GRAMD2B: variants seen among roughly 807,000 people sequenced by gnomAD.
GRAMD2B encodes GRAM domain-containing protein 2B.
A neutral mutation model predicts 59.2 loss-of-function variants in GRAMD2B; 41 were observed. That is an observed-to-expected ratio of 0.69 (90% CI 0.54 to 0.90). The LOEUF (loss-of-function observed/expected upper bound fraction) is 0.90. Ranked by LOEUF, GRAMD2B falls within the 40% of genes least tolerant of loss-of-function variation. The probability of loss-of-function intolerance (pLI) is 0.00; values close to 1 mark genes in which losing one functional copy is unlikely to be tolerated. For missense variants in GRAMD2B, 424 were observed against 500.5 expected (o/e 0.85, Z 1.46); for synonymous variants, 161 against 182.7 (o/e 0.88, Z 0.96).
At chr5:126,434,995 C>G (rs1345068594) in intron 1 of GRAMD2B, among the ~76,000 whole-genome samples, 1 of 152,168 alleles carries the variant, frequency 6.6e-6, no homozygotes, top group Non-Finnish European at 1.5e-5. Flanking sequence ...TGTTACACAA[C>G]CATTTTATCT....
upstream of GRAMD2B, among the ~76,000 whole-genome samples, chr5:126,418,567 G>T (rs1476933085): frequency 6.6e-6 from 1 of 152,122 alleles, no homozygotes; most frequent in African/African-American, 2.4e-5. Flanking sequence ...CTTGGCTTTG[G>T]AAATATTGGC....
At chr5:126,406,497 A>G (rs1247542053) in intron 1 of GRAMD2B, among the ~76,000 whole-genome samples, 1 of 151,920 alleles carries the variant, frequency 6.6e-6, no homozygotes, top group African/African-American at 2.4e-5. Context: ...AATATTTCCA[A>G]TGCCCCTAAA....
rs113860013 is a variant in GRAMD2B, at chr5:126,489,529, T to C, written c.1257+637T>C. 2.1e-3 allele frequency among the ~76,000 whole-genome samples: 313 copies of C among 152,338 alleles called. 3 individuals carry two copies. Among genetic ancestry groups the C allele is most frequent in the African/African-American group, 6.8e-3 (284 of 41,574 alleles). ...TGCAAAGTTGTGCTTAGAAGCTCTC[T>C]GCTTTACTGTTCCTCAGAATTCAGC... On this transcript the variant is annotated intron_variant, in intron 13 of 13. Coordinates refer to ENST00000285689, the MANE Select transcript of GRAMD2B (RefSeq NM_023927.4).
rs1439341417 is a variant in GRAMD2B at position 126,423,651 on chromosome 5, A to C, written c.45A>C (p.Lys15Asn). ...ATGTGGAAGACACAAAGCCTGCGAAAGTGCTCGGGAAGAGGGAGAGCAAAC... is the reference window on the plus strand; with the variant it reads ...ATGTGGAAGACACAAAGCCTGCGAACGTGCTCGGGAAGAGGGAGAGCAAAC... ...QQDVEDTKPA[K>N]VLGKRESKLG... The change falls in exon 1 of 14, where the codon AAA becomes AAC. Residue 15 changes from lysine (K) to asparagine (N), a missense_variant. Lys to Asn is a moderately conservative substitution (Grantham distance 94). Coordinates refer to ENST00000285689, the MANE Select transcript of GRAMD2B (RefSeq NM_023927.4). 6.2e-7 allele frequency: 1 copy of C among 1,609,144 alleles called. No individual in the cohort carries two copies. Among genetic ancestry groups the C allele is most frequent in the Admixed American group, 1.7e-5 (1 of 59,408 alleles).
At chr5:126,400,651 T>C (rs1757749064) in intron 1 of GRAMD2B, among the ~76,000 whole-genome samples, 1 of 152,204 alleles carries the variant, frequency 6.6e-6, no homozygotes. Flanking sequence ...CTAATGGTGA[T>C]GAATTCCCAG....
At chr5:126,382,522 C>A (rs1181657747) in intron 1 of GRAMD2B, among the ~76,000 whole-genome samples, 1 of 152,076 alleles carries the variant, frequency 6.6e-6, no homozygotes. Context: ...CTAAGTGTGT[C>A]CTTCATTTCC....
intron 1 of GRAMD2B, among the ~76,000 whole-genome samples, chr5:126,398,482 T>C (rs746957667): frequency 3.9e-5 from 6 of 152,130 alleles, no homozygotes; most frequent in Admixed American, 6.6e-5. Context: ...CCTCTTCCAA[T>C]TCTGATTTTA....
intron 1 of GRAMD2B, among the ~76,000 whole-genome samples, chr5:126,395,886 G>A (rs948485801): frequency 1.3e-5 from 2 of 152,156 alleles, no homozygotes; most frequent in African/African-American, 4.8e-5. Context: ...CACATACATT[G>A]TGAAATGATT....
intron 5 of GRAMD2B, among the ~76,000 whole-genome samples, chr5:126,476,453 T>A (rs139068504): frequency 2.6e-5 from 4 of 152,302 alleles, no homozygotes; most frequent in Non-Finnish European, 5.9e-5. Flanking sequence ...GGGATTGAAG[T>A]GATGTGATCC....
chr5:126,430,655 G>A (rs913391757), intron 1 of GRAMD2B, among the ~76,000 whole-genome samples: 2 of 152,000 alleles, frequency 1.3e-5, no homozygotes, highest in African/African-American at 4.8e-5. Context: ...CTTTTACTAA[G>A]CCTTTTACTC....
intron 1 of GRAMD2B, among the ~76,000 whole-genome samples, chr5:126,373,420 A>G (rs1236547820): frequency 6.6e-6 from 1 of 152,230 alleles, no homozygotes; most frequent in Non-Finnish European, 1.5e-5. Flanking sequence ...AATAAAATGT[A>G]CTTGCAGATC....
At chr5:126,466,187 T>TACA in intron 2 of GRAMD2B, 1 of 1,505,870 alleles carries the variant, frequency 6.6e-7, no homozygotes, top group Non-Finnish European at 8.9e-7. Context: ...GAAATCATTG[T>TACA]GGTCCTTCAC....
chr5:126,371,425 C>G (rs542197662), exon 1 of GRAMD2B: 1 of 1,274,752 alleles, frequency 7.8e-7, no homozygotes, highest in East Asian at 5.6e-5. Flanking sequence ...CCTTGACTTG[C>G]GGGTCAATAA....
At chr5:126,464,926 T>G (rs879581052) in intron 1 of GRAMD2B, among the ~76,000 whole-genome samples, 1 of 152,132 alleles carries the variant, frequency 6.6e-6, no homozygotes, top group Non-Finnish European at 1.5e-5. Flanking sequence ...TCCTACCTAG[T>G]CTGGGTGGTT....
intron 12 of GRAMD2B, among the ~76,000 whole-genome samples, chr5:126,488,074 C>T (rs1478688430): frequency 6.6e-6 from 1 of 152,168 alleles, no homozygotes; most frequent in Non-Finnish European, 1.5e-5. Flanking sequence ...CCTTTCTTTA[C>T]TCCATAGGAA....
intron 1 of GRAMD2B, among the ~76,000 whole-genome samples, chr5:126,453,430 A>G (rs2126696868): frequency 6.6e-6 from 1 of 152,012 alleles, no homozygotes; most frequent in South Asian, 2.1e-4. Flanking sequence ...GTTATAGTCT[A>G]GTTTGGAGGA....
intron 1 of GRAMD2B, among the ~76,000 whole-genome samples, chr5:126,451,440 C>A (rs890361863): frequency 6.6e-6 from 1 of 152,100 alleles, no homozygotes. Context: ...GGTTTCAGAC[C>A]TGTGTGGGGC....
At chr5:126,483,062 TTC>T (rs5871210) in intron 8 of GRAMD2B, among the ~76,000 whole-genome samples, 38,864 of 152,068 alleles carry the variant, frequency 0.26, 5,241 homozygotes, top group Non-Finnish European at 0.28. Flanking sequence ...AGTAATATCT[TTC>T]TCTCTGTCTA....
rs377743744 is a variant in GRAMD2B, at chr5:126,490,709, G to A, written c.1257+1817G>A. Among the ~76,000 whole-genome samples, 48 of 152,290 alleles carry A rather than the reference G, an allele frequency of 3.2e-4. No individual in the cohort carries two copies. In the South Asian group the frequency reaches 5.6e-3, roughly 18 times the overall value. On this transcript the variant is annotated intron_variant, in intron 13 of 13. Coordinates refer to ENST00000285689, the MANE Select transcript of GRAMD2B (RefSeq NM_023927.4). ...GGGCACTAGCGCAGCACAGCCTGCC[G>A]GTGAAATAGCAGCTCCATGCTGTTG... is the stretch of plus-strand genomic sequence containing the variant.
Sources: gnomAD v4.1 joint callset for allele counts (sites outside exome capture counted in the v4.1 genomes callset) on GRCh38, gnomAD v4.1.1 for gene constraint, MANE v1.5 for transcripts, NCBI Gene and HGNC (gene_info 2026-07-23, HGNC 2026-07-21) for gene names.